The following SYDE2 variants were observed in gnomAD, a reference collection of about 807,000 sequenced individuals.
The protein encoded by SYDE2 is synapse defective Rho GTPase homolog 2.
Under a neutral mutation model 91.5 loss-of-function variants are expected in SYDE2, and 76 were observed. The observed-to-expected ratio is 0.83, with a 90% confidence interval of 0.69 to 1.01. The LOEUF (loss-of-function observed/expected upper bound fraction) is 1.01, where lower values mean the gene tolerates loss of function less well. SYDE2 is among the 50% of genes least tolerant of loss of function. SYDE2 has a pLI of 0.00. For synonymous variants in SYDE2, 513 were observed against 506.4 expected (o/e 1.01, Z -0.18); for missense variants, 1,364 against 1,367.7 (o/e 1.00, Z 0.04).
chr1:85,175,415 G>T (rs1051596264), intron 4 of SYDE2, among the ~76,000 whole-genome samples: 1 of 152,186 alleles, frequency 6.6e-6, no homozygotes, highest in South Asian at 2.1e-4. Context: ...CACAAGAATT[G>T]CTTGAGCCCC....
At chr1:85,197,554 T>C (rs968320121) in intron 1 of SYDE2, among the ~76,000 whole-genome samples, 8 of 152,200 alleles carry the variant, frequency 5.3e-5, no homozygotes, top group African/African-American at 1.9e-4. Context: ...GAAAACATGA[T>C]TTAAAAGTAG....
At chr1:85,189,002 T>C (rs1011460988) in intron 2 of SYDE2, among the ~76,000 whole-genome samples, 1 of 152,250 alleles carries the variant, frequency 6.6e-6, no homozygotes, top group Non-Finnish European at 1.5e-5. Flanking sequence ...ATTTGATATT[T>C]GCAAGCAAAT....
In SYDE2 at chr1:85,200,260, G is replaced by C; in HGVS notation, c.737C>G (p.Thr246Arg). The change falls in exon 1 of 7, where the codon ACG becomes AGG. Residue 246 changes from threonine to arginine, a missense_variant. Thr to Arg is a moderately conservative substitution (Grantham distance 71, BLOSUM62 -1). Coordinates refer to ENST00000341460, the MANE Select transcript of SYDE2 (RefSeq NM_032184.2). ...ATCGCAAAGTATCCTACCTGTCAGC[G>C]TAATTCTTTGGTCTGGAGGCACCGA... is the stretch of plus-strand genomic sequence containing the variant. ...VLSVPPDQRI[T>R]LTDLFENAYG... 2.5e-6 allele frequency: 4 copies of C among 1,613,938 alleles called. No homozygotes were observed. Among genetic ancestry groups the C allele is most frequent in the Non-Finnish European group, 3.4e-6 (4 of 1,179,894 alleles).
At chr1:85,173,058 A>G (rs1459969511) in intron 4 of SYDE2, among the ~76,000 whole-genome samples, 1 of 152,092 alleles carries the variant, frequency 6.6e-6, no homozygotes, top group Non-Finnish European at 1.5e-5. Flanking sequence ...CCCCACCCCC[A>G]ACCAAAAATA....
At position 85,182,308 on chromosome 1, in the gene SYDE2, C is replaced by G; in HGVS notation, c.2334G>C (p.Leu778Phe). Residue 778 changes from leucine (L) to phenylalanine (F), a missense_variant, in exon 3 of 7, where the codon TTG (leucine) becomes TTC (phenylalanine). Leu to Phe is a conservative substitution (Grantham distance 22). Transcript: ENST00000341460. ...TLFRVTKTHQ[L>F]AVKLEPRGLI... ...GACCTCTAGGTTCAAGTTTGACAGC[C>G]AACTGATGAGTCTTTGTCACTCTAA... 6.2e-7 allele frequency: 1 copy of G among 1,613,820 alleles called. No individual in the cohort carries two copies. Among genetic ancestry groups the G allele is most frequent in the Non-Finnish European group, 8.5e-7 (1 of 1,179,842 alleles).
chr1:85,195,860 A>G (rs980199989), intron 1 of SYDE2, among the ~76,000 whole-genome samples: 2 of 152,124 alleles, frequency 1.3e-5, no homozygotes, highest in African/African-American at 4.8e-5. Context: ...AATAACAAGT[A>G]AGTGCTAGGC....
chr1:85,166,352 A>AAT (rs976086675), intron 5 of SYDE2, among the ~76,000 whole-genome samples: 39 of 144,328 alleles, frequency 2.7e-4, no homozygotes, highest in Non-Finnish European at 4.9e-4. Flanking sequence ...AAAAAAAAAA[A>AAT]TTTTTTTTTT....
intron 4 of SYDE2, among the ~76,000 whole-genome samples, chr1:85,170,640 T>A (rs1657468220): frequency 6.6e-6 from 1 of 152,212 alleles, no homozygotes; most frequent in African/African-American, 2.4e-5. Context: ...ATAATGCAAA[T>A]ATTCCAAAAC....
chr1:85,190,372 G>A lies in SYDE2; in HGVS notation c.1126C>T (p.Pro376Ser), dbSNP rs898399917. ...DEGEIWYNPI[P>S]EDDDLGISSA... Reference sequence around the variant, plus strand: ...GATATACCAAGGTCATCATCCTCAGGAATGGGATTGTACCATATTTCTCCT... The same window carrying A: ...GATATACCAAGGTCATCATCCTCAGAAATGGGATTGTACCATATTTCTCCT... The change falls in exon 2 of 7, where the codon CCT (proline) becomes TCT (serine). Residue 376 changes from proline to serine, a missense_variant. Transcript: ENST00000341460. 6.2e-6 allele frequency: 10 copies of A among 1,613,692 alleles called. No individual in the cohort carries two copies. The highest frequency in any genetic ancestry group is 1.3e-5 in the African/African-American group (1 of 74,902).
Position 85,200,630 on chromosome 1 carries a change from C to A in SYDE2, c.367G>T (p.Gly123Ter). ...CCACTCCAGCCGTCCATCCTGCCTC[C>A]ACGTGGCGGGGGCTCGTCCCAGTCC... is the stretch of plus-strand genomic sequence containing the variant. ...HRDWDEPPPR[G>*]GRMDGWSGDR... The change falls in exon 1 of 7, where the codon GGA becomes TGA. Residue 123 changes from glycine (G) to a stop codon, truncating the protein, a stop_gained. Transcript: ENST00000341460. LOFTEE classifies it high-confidence loss of function. 6.5e-7 allele frequency: 1 copy of A among 1,548,106 alleles called. No homozygotes were observed.
At chr1:85,171,742 C>T (rs1045652585) in intron 4 of SYDE2, among the ~76,000 whole-genome samples, 2 of 151,894 alleles carry the variant, frequency 1.3e-5, no homozygotes, top group Non-Finnish European at 2.9e-5. Flanking sequence ...CAAAAATGTC[C>T]ACCAGAAAAG....
chr1:85,196,061 A>G (rs1404711837), intron 1 of SYDE2, among the ~76,000 whole-genome samples: 1 of 152,074 alleles, frequency 6.6e-6, no homozygotes, highest in Non-Finnish European at 1.5e-5. Context: ...TCTCACTAAT[A>G]CTTGTTAGTT....
chr1:85,176,245 G>GA (rs1357161612), intron 4 of SYDE2, among the ~76,000 whole-genome samples: 7 of 142,692 alleles, frequency 4.9e-5, no homozygotes, highest in Non-Finnish European at 1.0e-4. Context: ...CATTAACAAG[G>GA]AAAGAACATT....
In SYDE2 at chr1:85,200,977, T is replaced by A; in HGVS notation, c.20A>T (p.Asp7Val). MHDLPP[D>V]SGARRGGRGL... ...CCTGCCGCCCCGCCGCGCGCCCGAG[T>A]CAGGGGGCAGGTCGTGCATGGCCTG... The change falls in exon 1 of 7, where the codon GAC becomes GTC. Residue 7 changes from aspartate to valine, a missense_variant. By Grantham distance (152) the Asp-to-Val change is radical. Transcript: ENST00000341460. The A allele has an allele frequency of 7.7e-7, 1 of 1,300,152 alleles. No homozygotes were observed. Among genetic ancestry groups the A allele is most frequent in the Non-Finnish European group, 9.7e-7 (1 of 1,033,492 alleles). 80.5% of individuals were successfully genotyped at this position (1,300,152 alleles called of 1,614,324 possible).
intron 6 of SYDE2, among the ~76,000 whole-genome samples, chr1:85,163,478 T>C (rs1657150470): frequency 7.4e-6 from 1 of 135,298 alleles, no homozygotes; most frequent in African/African-American, 3.0e-5. Flanking sequence ...TATATATATA[T>C]ATAACAAAAG....
intron 2 of SYDE2, 146 bp from the exon 3 acceptor site, chr1:85,183,346 G>A (rs1658009395): frequency 1.6e-6 from 1 of 636,312 alleles, no homozygotes; most frequent in Non-Finnish European, 2.4e-6. Flanking sequence ...TTCATTAGAA[G>A]TTCAGGTCAA....
chr1:85,198,065 C>A (rs1177072885), intron 1 of SYDE2, among the ~76,000 whole-genome samples: 1 of 152,170 alleles, frequency 6.6e-6, no homozygotes, highest in Non-Finnish European at 1.5e-5. Context: ...TCACCCATAT[C>A]CTCAATCCAA....
At chr1:85,168,311 G>T (rs950597198) in intron 5 of SYDE2, among the ~76,000 whole-genome samples, 1 of 152,094 alleles carries the variant, frequency 6.6e-6, no homozygotes, top group African/African-American at 2.4e-5. Context: ...AAACTCGCAA[G>T]TCAAGTTACT....
rs755281072 is a variant in SYDE2, at chr1:85,200,288, G to A, written c.709C>T (p.Leu237=). 6 of 1,613,980 alleles carry A rather than the reference G, an allele frequency of 3.7e-6. No homozygotes were observed. The East Asian group carries it at 1.1e-4, about 30-fold the overall frequency. The change falls in exon 1 of 7, where the codon CTG becomes TTG. Residue 237 remains leucine (L), a synonymous_variant. Transcript: ENST00000341460. Reference sequence around the variant, plus strand: ...ATTCTTTGGTCTGGAGGCACCGACAGGACACGGTTTTCACGCACTTTCAAA... The same window carrying A: ...ATTCTTTGGTCTGGAGGCACCGACAAGACACGGTTTTCACGCACTTTCAAA... ...GALKVRENRV[L]SVPPDQRITL...
Sources: gnomAD v4.1 joint callset for allele counts (sites outside exome capture counted in the v4.1 genomes callset) on GRCh38, gnomAD v4.1.1 for gene constraint, MANE v1.5 for transcripts, NCBI Gene and HGNC (gene_info 2026-07-23, HGNC 2026-07-21) for gene names.